Variants in CDK16 observed in about 807,000 individuals in gnomAD.
The protein encoded by CDK16 is cyclin dependent kinase 16.
A neutral mutation model predicts 41.6 loss-of-function variants in CDK16; 2 were observed. That is an observed-to-expected ratio of 0.05 (90% CI 0.02 to 0.15). The LOEUF is 0.15. Ranked by LOEUF, CDK16 falls within the 10% of genes least tolerant of loss-of-function variation. CDK16 has a pLI of 1.00. For missense variants in CDK16, 228 were observed against 428.9 expected (o/e 0.53, Z 4.14); for synonymous variants, 169 against 169.7 (o/e 1.00, Z 0.03).
rs1392604376 is a variant in CDK16 at position 47,218,866 on chromosome X, G to A, written c.-246G>A. 1 of 1,111,855 alleles carries A rather than the reference G, an allele frequency of 9.0e-7. No homozygotes were observed. Among genetic ancestry groups the A allele is most frequent in the Non-Finnish European group, 1.2e-6 (1 of 851,396 alleles). The allele number at this position is 1,111,855 out of a possible 1,213,427, so 91.6% of individuals were successfully genotyped here. ...CGAGTCCGGGGGCATCGCCCGCAGCGGCCAAGCTCATGGCCGGCTGAGCGG... is the reference window on the plus strand; with the variant it reads ...CGAGTCCGGGGGCATCGCCCGCAGCAGCCAAGCTCATGGCCGGCTGAGCGG... On this transcript the variant is annotated 5_prime_UTR_variant, in exon 1 of 16. Coordinates refer to ENST00000357227, the MANE Select transcript of CDK16 (RefSeq NM_006201.5).
In CDK16 at chrX:47,223,572, G is replaced by A; in HGVS notation, c.15G>A (p.Lys5=). The change falls in exon 2 of 16, where the codon AAG becomes AAA. Residue 5 remains lysine (K), a synonymous_variant. Coordinates refer to ENST00000357227, the MANE Select transcript of CDK16 (RefSeq NM_006201.5). ...CTCAGATCGCCATGGATCGGATGAA[G>A]AAGATCAAACGGCAGCTGTCAATGA... MDRM[K]KIKRQLSMTL... The A allele has an allele frequency of 8.3e-7, 1 of 1,211,538 alleles. No homozygotes were observed. Among genetic ancestry groups the A allele is most frequent in the Non-Finnish European group, 1.1e-6 (1 of 895,190 alleles).
Position 47,218,757 on chromosome X carries a change from G to C in CDK16, c.-355G>C. 11 of 1,157,938 alleles carry C rather than the reference G, an allele frequency of 9.5e-6. No individual in the cohort carries two copies. Among genetic ancestry groups the C allele is most frequent in the East Asian group, 3.3e-5 (1 of 30,551 alleles). On this transcript the variant is annotated 5_prime_UTR_variant, in exon 1 of 16. Transcript: ENST00000357227. Reference sequence around the variant, plus strand: ...GCGGCGGTTGGGCCGTTGGCTGTTCGGCCCTGGGATCCGCCGCCACTCCGC... The same window carrying C: ...GCGGCGGTTGGGCCGTTGGCTGTTCCGCCCTGGGATCCGCCGCCACTCCGC...
Position 47,218,874 on chromosome X carries a change from T to C in CDK16, c.-238T>C, listed in dbSNP as rs1556796297. ...GGGGCATCGCCCGCAGCGGCCAAGC[T>C]CATGGCCGGCTGAGCGGGACGCCGC... On this transcript the variant is annotated 5_prime_UTR_variant, in exon 1 of 16. Transcript: ENST00000357227. 2.7e-6 allele frequency: 3 copies of C among 1,097,036 alleles called. No individual in the cohort carries two copies. Among genetic ancestry groups the C allele is most frequent in the African/African-American group, 3.9e-5 (2 of 51,824 alleles). The allele number at this position is 1,097,036 out of a possible 1,213,427, so 90.4% of individuals were successfully genotyped here.
At chrX:47,224,594 T>C in intron 3 of CDK16, 24 bp from the exon 4 acceptor site, 1 of 1,210,917 alleles carries the variant, frequency 8.3e-7, no homozygotes, top group Non-Finnish European at 1.1e-6. Context: ...CATGATCCTG[T>C]TTCTCTCTTG....
chrX:47,222,428 T>A (rs1937368492), intron 1 of CDK16: 1 of 110,399 alleles, frequency 9.1e-6, no homozygotes, highest in Non-Finnish European at 1.9e-5. Flanking sequence ...GGGGGATAAC[T>A]GGCAAGGTGA....
At chrX:47,220,051 A>T (rs1324355028) in intron 1 of CDK16, among the ~76,000 whole-genome samples, 7 of 109,931 alleles carry the variant, frequency 6.4e-5, no homozygotes, top group African/African-American at 2.3e-4. Context: ...GTGAGGTGTG[A>T]GTGTGTCCAT....
In CDK16 at chrX:47,224,400, A is replaced by G. The variant is rs763841677; in HGVS notation, c.218A>G (p.Asp73Gly). ...LSSAPEIVHE[D>G]LKMGSDGESD... The stretch of plus-strand genomic sequence containing the variant: ...CTGCCACCAGAGATTGTGCACGAGG[A>G]CTTGAAGATGGGGTCTGATGGGGAG... Residue 73 changes from aspartate (D) to glycine (G), a missense_variant, in exon 3 of 16, where the codon GAC becomes GGC. Physicochemically the swap from Asp to Gly is moderately conservative, Grantham distance 94. Transcript: ENST00000357227. 3 of 1,194,193 alleles carry G rather than the reference A, an allele frequency of 2.5e-6. No homozygotes were observed. In the African/African-American group the frequency reaches 5.2e-5, roughly 21 times the overall value.
Position 47,229,074 on chromosome X carries a change from C to T in CDK16, c.*306C>T. 5.0e-6 allele frequency: 2 copies of T among 396,116 alleles called. No homozygotes were observed. The highest frequency in any genetic ancestry group is 4.5e-6 in the Non-Finnish European group (1 of 220,000). 32.6% of individuals were successfully genotyped at this position (396,116 alleles called of 1,213,427 possible). ...CTCCCACACTGAGGCCAGGTCTACC[C>T]CCCATCATACCAGCCCCCAGGACCA... On this transcript the variant is annotated 3_prime_UTR_variant, in exon 16 of 16. Coordinates refer to ENST00000357227, the MANE Select transcript of CDK16 (RefSeq NM_006201.5).
At chrX:47,227,618 T>C (rs2055254422) in intron 14 of CDK16, 149 bp downstream of exon 14, 2 of 450,388 alleles carry the variant, frequency 4.4e-6, no homozygotes, top group Admixed American at 4.3e-5. Context: ...GTATTTGTTA[T>C]GAAAACATTT....
intron 1 of CDK16, chrX:47,222,988 T>A: frequency 1.3e-6 from 1 of 786,480 alleles, no homozygotes; most frequent in Non-Finnish European, 1.6e-6. Context: ...ATGAATGGGA[T>A]GATGCAGTGG....
At chrX:47,218,608 C>G (rs1483562930), upstream of CDK16, 2 of 1,159,268 alleles carry the variant, frequency 1.7e-6, no homozygotes, top group Non-Finnish European at 2.3e-6. Flanking sequence ...CCTCTGGGCT[C>G]GCGATGGCCG....
At chrX:47,221,571 C>G (rs945210081) in intron 1 of CDK16, among the ~76,000 whole-genome samples, 9 of 111,519 alleles carry the variant, frequency 8.1e-5, no homozygotes, top group South Asian at 3.7e-4. Context: ...TTCAGCCCTA[C>G]TTCCAGTCTC....
chrX:47,224,179 G>A (rs971638020), intron 2 of CDK16, among the ~76,000 whole-genome samples: 1 of 111,482 alleles, frequency 9.0e-6, no homozygotes, highest in South Asian at 3.8e-4. Context: ...GGTGACTTTT[G>A]CTTCCCCACC....
At position 47,223,166 on chromosome X, in the gene CDK16, C is replaced by G. The variant is rs774936410; in HGVS notation, c.-6-386C>G. 27 of 1,155,502 alleles carry G rather than the reference C, an allele frequency of 2.3e-5. No homozygotes were observed. The South Asian group carries it at 4.7e-4, about 20-fold the overall frequency. On this transcript the variant is annotated intron_variant, in intron 1 of 15. Coordinates refer to ENST00000357227, the MANE Select transcript of CDK16 (RefSeq NM_006201.5). ...ATTCTGGGCACACGCCCTGGCCGAC[C>G]CATGGCTGGGCCCATCACTGCAGCT...
intron 8 of CDK16, 87 bp from the exon 9 acceptor site, chrX:47,226,192 G>A: frequency 2.6e-6 from 3 of 1,168,778 alleles, no homozygotes; most frequent in Non-Finnish European, 3.5e-6. Flanking sequence ...TGGGCCTAGT[G>A]TCTGTGTTTG....
intron 8 of CDK16, 46 bp from the exon 9 acceptor site, chrX:47,226,233 C>T: frequency 1.7e-6 from 2 of 1,207,328 alleles, no homozygotes; most frequent in Non-Finnish European, 2.2e-6. Context: ...GGGGGTCGGG[C>T]TAGTGGATAG....
At chrX:47,219,193 G>C in intron 1 of CDK16, 88 bp downstream of exon 1, 1 of 758,740 alleles carries the variant, frequency 1.3e-6, no homozygotes, top group South Asian at 5.9e-5. Context: ...TGCGGGGCTG[G>C]CAGGTGCCCC....
In CDK16 at chrX:47,229,669, C is replaced by T. The variant is rs2055310120; in HGVS notation, c.*901C>T. The T allele has an allele frequency of 2.8e-5, 5 of 178,832 alleles. 1 individual carries two copies. In the South Asian group the frequency reaches 3.9e-4, roughly 14 times the overall value. The allele number at this position is 178,832 out of a possible 1,213,427, so 14.7% of individuals were successfully genotyped here. A position where few individuals can be genotyped will look rare whatever the true frequency, so the allele number is the denominator to read the frequency against. On this transcript the variant is annotated 3_prime_UTR_variant, in exon 16 of 16. Transcript: ENST00000357227. The stretch of plus-strand genomic sequence containing the variant: ...CCCCTTGCTCCCATCCCACTCGGTG[C>T]TGTTGGGTAGGGGCCCTGCCAGGAA...
chrX:47,223,853 C>A, intron 2 of CDK16, 94 bp downstream of exon 2: 2 of 818,573 alleles, frequency 2.4e-6, no homozygotes, highest in Non-Finnish European at 1.8e-6. Context: ...TCTAAATTTT[C>A]TGCCCTTTCT....
Sources: allele counts gnomAD v4.1 joint callset (sites outside exome capture counted in the v4.1 genomes callset), GRCh38; gene constraint gnomAD v4.1.1; transcripts MANE v1.5; gene names NCBI Gene and HGNC (gene_info 2026-07-23, HGNC 2026-07-21).